ZBBX: variants seen among roughly 807,000 people sequenced by gnomAD.
ZBBX encodes the protein zinc finger B-box domain-containing protein 1.
Under a neutral mutation model 108.5 loss-of-function variants are expected in ZBBX, and 101 were observed. That is an observed-to-expected ratio of 0.93 (90% confidence interval 0.79 to 1.10). ZBBX has a LOEUF of 1.10. Ranked by LOEUF, ZBBX falls within the 50% of genes least tolerant of loss-of-function variation. The pLI, the probability that ZBBX is intolerant of heterozygous loss-of-function variation, is 0.00. For missense variants in ZBBX, 1,009 were observed against 941.4 expected (o/e 1.07, Z -0.94); for synonymous variants, 356 against 323.4 (o/e 1.10, Z -1.08).
At chr3:167,350,899 G>A (rs1366790441) in intron 8 of ZBBX, among the ~76,000 whole-genome samples, 1 of 151,914 alleles carries the variant, frequency 6.6e-6, no homozygotes, top group African/African-American at 2.4e-5. Context: ...CATTATCTCT[G>A]GGTGAAAACT....
chr3:167,400,030 A>C (rs1001947661), intron 1 of ZBBX, among the ~76,000 whole-genome samples: 1 of 152,156 alleles, frequency 6.6e-6, no homozygotes, highest in Non-Finnish European at 1.5e-5. Flanking sequence ...GCTGCAGAGG[A>C]AATGATTTCA....
chr3:167,211,998 T>G, the ZBBX span, among the ~76,000 whole-genome samples: 1 of 152,152 alleles, frequency 6.6e-6, no homozygotes, highest in Non-Finnish European at 1.5e-5. Context: ...ACTGCTTTTT[T>G]AAGTGGGTTC....
At chr3:167,374,956 G>A (rs1746716268) in intron 2 of ZBBX, among the ~76,000 whole-genome samples, 1 of 151,994 alleles carries the variant, frequency 6.6e-6, no homozygotes, top group South Asian at 2.1e-4. Flanking sequence ...CAGGTTACGT[G>A]GAAGAAAAAA....
chr3:167,396,223 A>C (rs1309006742), intron 1 of ZBBX, among the ~76,000 whole-genome samples: 1 of 152,028 alleles, frequency 6.6e-6, no homozygotes, highest in Non-Finnish European at 1.5e-5. Context: ...TGACTGTTGC[A>C]GGATACATTT....
the ZBBX span, among the ~76,000 whole-genome samples, chr3:167,181,050 A>G: frequency 6.6e-6 from 1 of 152,156 alleles, no homozygotes; most frequent in Non-Finnish European, 1.5e-5. Flanking sequence ...GTTAGTGGCT[A>G]TTGTTCTATC....
At chr3:167,194,682 C>T in the ZBBX span, among the ~76,000 whole-genome samples, 1 of 152,158 alleles carries the variant, frequency 6.6e-6, no homozygotes, top group Non-Finnish European at 1.5e-5. Flanking sequence ...CCACTGTCAC[C>T]ACTAGTCCTC....
Position 167,327,963 on chromosome 3 carries a change from T to C in ZBBX, c.841A>G (p.Asn281Asp), listed in dbSNP as rs1049205182. ...TGNHDDNKKQ[N>D]LHAAVKDSLE... ...ATACCTTTTACTGCTGCATGTAAAT[T>C]CTGTTTCTTGTTGTCATCATGATTT... Residue 281 changes from asparagine to aspartate, a missense_variant, in exon 11 of 22, where the codon AAT becomes GAT. Asn to Asp is a conservative substitution (Grantham distance 23, BLOSUM62 1). Coordinates refer to ENST00000675490, the MANE Select transcript of ZBBX (RefSeq NM_001199201.2). 7.9e-5 allele frequency: 126 copies of C among 1,589,424 alleles called. No homozygotes were observed. Among genetic ancestry groups the C allele is most frequent in the Non-Finnish European group, 1.0e-4 (122 of 1,166,642 alleles).
At chr3:167,268,714 AC>A (rs770882782) in intron 20 of ZBBX, among the ~76,000 whole-genome samples, 2 of 152,204 alleles carry the variant, frequency 1.3e-5, no homozygotes, top group Non-Finnish European at 2.9e-5. Context: ...CAAAGAAGAT[AC>A]AAAAATTAGA....
intron 10 of ZBBX, among the ~76,000 whole-genome samples, chr3:167,330,945 T>TTCTTTCTCTCTCTCTCTCTCTCTCTCTC (rs1553820808): frequency 1.1e-5 from 1 of 87,172 alleles, no homozygotes; most frequent in East Asian, 4.8e-4. Flanking sequence ...CTCTCTTTCT[T>TTCTTTCTCTCTCTCTCTCTCTCTCTCTC]TCTCTCTCTC....
chr3:167,402,525 A>G (rs766574685), intron 1 of ZBBX, among the ~76,000 whole-genome samples: 29 of 152,312 alleles, frequency 1.9e-4, no homozygotes, highest in African/African-American at 6.5e-4. Flanking sequence ...TTTTTCTTCT[A>G]TACTTAATTT....
chr3:167,307,766 G>A (rs111863927), intron 16 of ZBBX, among the ~76,000 whole-genome samples: 2,573 of 152,260 alleles, frequency 0.017, 75 homozygotes, highest in African/African-American at 0.059. Flanking sequence ...GCCATATGCT[G>A]AAGATTGAAG....
At chr3:167,381,277 G>T (rs1038697597), upstream of ZBBX, 1 of 152,120 alleles carries the variant, frequency 6.6e-6, no homozygotes, top group Admixed American at 6.6e-5. Context: ...TCTGGATTTT[G>T]GAGTCAGGCA....
intron 16 of ZBBX, among the ~76,000 whole-genome samples, chr3:167,313,764 T>C (rs1056100814): frequency 6.6e-6 from 1 of 152,236 alleles, no homozygotes; most frequent in African/African-American, 2.4e-5. Flanking sequence ...GAGTGCCCTA[T>C]ATTGGCTGAT....
At chr3:167,258,469 T>C (rs1260473170) in intron 20 of ZBBX, among the ~76,000 whole-genome samples, 1 of 152,142 alleles carries the variant, frequency 6.6e-6, no homozygotes, top group Non-Finnish European at 1.5e-5. Context: ...TAGTTTGCCT[T>C]CGTCTTTACT....
intron 16 of ZBBX, 87 bp downstream of exon 16, chr3:167,313,887 G>T: frequency 1.6e-6 from 2 of 1,252,642 alleles, no homozygotes; most frequent in South Asian, 2.4e-5. Context: ...GTTTTAAAAT[G>T]AACAGCATAA....
chr3:167,317,149 T>A, intron 13 of ZBBX, 44 bp from the exon 14 acceptor site: 1 of 1,291,686 alleles, frequency 7.7e-7, no homozygotes, highest in South Asian at 1.3e-5. Flanking sequence ...AGAATATATC[T>A]TACTTTATAA....
At chr3:167,295,991 T>C (rs991790960) in intron 18 of ZBBX, among the ~76,000 whole-genome samples, 3 of 151,558 alleles carry the variant, frequency 2.0e-5, no homozygotes, top group South Asian at 2.1e-4. Context: ...TAATCAGTGA[T>C]GTAAAAATCT....
chr3:167,217,011 T>A, the ZBBX span, among the ~76,000 whole-genome samples: 1 of 152,056 alleles, frequency 6.6e-6, no homozygotes, highest in Non-Finnish European at 1.5e-5. Flanking sequence ...TCAAAACCTA[T>A]AAAAATCCTA....
intron 6 of ZBBX, among the ~76,000 whole-genome samples, chr3:167,361,549 G>A (rs1002913308): frequency 6.6e-6 from 1 of 152,130 alleles, no homozygotes; most frequent in Admixed American, 6.6e-5. Flanking sequence ...ATCTATGGCT[G>A]TAGCAACTGC....
Sources: allele counts gnomAD v4.1 joint callset (sites outside exome capture counted in the v4.1 genomes callset), GRCh38; gene constraint gnomAD v4.1.1; transcripts MANE v1.5; gene names NCBI Gene and HGNC (gene_info 2026-07-23, HGNC 2026-07-21).